The following SLC4A4 variants were observed in gnomAD, a reference collection of about 807,000 sequenced individuals.
SLC4A4 encodes electrogenic sodium bicarbonate cotransporter 1.
SLC4A4 carries 27 observed loss-of-function variants against 111.5 expected under a neutral mutation model. The observed-to-expected ratio is 0.24, with a 90% CI of 0.18 to 0.33. The LOEUF is 0.33. Ranked by LOEUF, SLC4A4 falls within the 10% of genes least tolerant of loss-of-function variation. SLC4A4 has a pLI of 1.00. For synonymous variants in SLC4A4, 443 were observed against 463.4 expected, an observed-to-expected ratio of 0.96 and a Z score of 0.57; for missense variants, 909 against 1,315.5, an observed-to-expected ratio of 0.69 and a Z score of 4.78.
chr4:71,224,610 T>C (rs1388583017), intron 1 of SLC4A4, among the ~76,000 whole-genome samples: 1 of 152,202 alleles, frequency 6.6e-6, no homozygotes, highest in Non-Finnish European at 1.5e-5. Context: ...TAAGACATAG[T>C]AAGCACTACC....
At chr4:71,266,312 T>C (rs1454825365) in intron 3 of SLC4A4, among the ~76,000 whole-genome samples, 1 of 152,210 alleles carries the variant, frequency 6.6e-6, no homozygotes, top group Non-Finnish European at 1.5e-5. Flanking sequence ...ACTGTGACAA[T>C]CATAGTTTAA....
chr4:71,558,037 A>T (rs971863110), intron 22 of SLC4A4, 152 bp downstream of exon 22: 6 of 687,178 alleles, frequency 8.7e-6, no homozygotes, highest in Non-Finnish European at 1.5e-5. Context: ...TACATTTCCC[A>T]TGTTTATGGT....
chr4:71,440,486 A>G, intron 7 of SLC4A4, 130 bp from the exon 8 acceptor site: 1 of 967,024 alleles, frequency 1.0e-6, no homozygotes, highest in Non-Finnish European at 1.7e-6. Flanking sequence ...GTTGCATGTC[A>G]ATTTGTAAAA....
At chr4:71,295,687 C>G (rs1724734529) in intron 3 of SLC4A4, among the ~76,000 whole-genome samples, 1 of 151,156 alleles carries the variant, frequency 6.6e-6, no homozygotes, top group Non-Finnish European at 1.5e-5. Context: ...TACATGGAGT[C>G]TCGCTCTGTC....
intron 2 of SLC4A4, among the ~76,000 whole-genome samples, chr4:71,151,733 A>G (rs1420082361): frequency 6.6e-6 from 1 of 150,446 alleles, no homozygotes; most frequent in Non-Finnish European, 1.5e-5. Flanking sequence ...AGCTTGGGCA[A>G]CATAGGGAGA....
chr4:71,320,539 G>A (rs1364484185), intron 3 of SLC4A4, among the ~76,000 whole-genome samples: 1 of 152,036 alleles, frequency 6.6e-6, no homozygotes, highest in African/African-American at 2.4e-5. Context: ...TCTCACGAAA[G>A]AGAGGTGGCA....
At chr4:71,396,358 T>G (rs527603438) in intron 6 of SLC4A4, among the ~76,000 whole-genome samples, 1 of 152,356 alleles carries the variant, frequency 6.6e-6, no homozygotes, top group African/African-American at 2.4e-5. Flanking sequence ...GAATGATATT[T>G]AAATAGCTGC....
intron 16 of SLC4A4, among the ~76,000 whole-genome samples, chr4:71,515,939 T>C (rs550012989): frequency 8.6e-5 from 13 of 151,990 alleles, no homozygotes; most frequent in Non-Finnish European, 1.5e-4. Context: ...ATCTTTTAAG[T>C]GTAGAATTTA....
At chr4:71,094,950 G>A (rs1271367893) in intron 2 of SLC4A4, among the ~76,000 whole-genome samples, 1 of 152,098 alleles carries the variant, frequency 6.6e-6, no homozygotes, top group Non-Finnish European at 1.5e-5. Context: ...TTAATTAGGT[G>A]TACTTTTTTA....
At chr4:71,099,965 G>C (rs1439293770) in intron 2 of SLC4A4, among the ~76,000 whole-genome samples, 2 of 151,954 alleles carry the variant, frequency 1.3e-5, no homozygotes, top group African/African-American at 4.8e-5. Flanking sequence ...TAATAAGTAG[G>C]CTACCAACCA....
In SLC4A4 at chr4:71,194,034, C is replaced by G. The variant is rs554518244; in HGVS notation, c.-2+6633C>G. Among the ~76,000 whole-genome samples the G allele has an allele frequency of 3.3e-5, 5 of 152,280 alleles. 1 individual carries two copies. Among genetic ancestry groups the G allele is most frequent in the African/African-American group, 1.2e-4 (5 of 41,568 alleles). ...ATACAGTACTCAGAAACATGCAGAA[C>G]TTGTCCTCAATGCTTTACATAAAAG... On this transcript the variant is annotated intron_variant, in intron 1 of 25. Coordinates refer to ENST00000264485, the MANE Select transcript of SLC4A4 (RefSeq NM_001098484.3).
At chr4:71,156,573 TGCGCGCGC>T (rs771841334) in intron 2 of SLC4A4, among the ~76,000 whole-genome samples, 3 of 85,640 alleles carry the variant, frequency 3.5e-5, no homozygotes, top group East Asian at 4.4e-4. Flanking sequence ...TGTGCGCGCA[TGCGCGCGC>T]GCGCGCGCAC....
At chr4:71,523,675 T>A in intron 16 of SLC4A4, among the ~76,000 whole-genome samples, 1 of 152,116 alleles carries the variant, frequency 6.6e-6, no homozygotes, top group Admixed American at 6.6e-5. Context: ...ATCCCTGCAC[T>A]AACACAAAAT....
At chr4:71,237,221 A>T (rs1719874891) in intron 2 of SLC4A4, among the ~76,000 whole-genome samples, 1 of 152,212 alleles carries the variant, frequency 6.6e-6, no homozygotes, top group Admixed American at 6.5e-5. Context: ...GTTAAAAACT[A>T]AAGAAGAGTT....
chr4:71,512,602 G>T (rs1287086016), intron 16 of SLC4A4, among the ~76,000 whole-genome samples: 1 of 152,124 alleles, frequency 6.6e-6, no homozygotes, highest in East Asian at 1.9e-4. Flanking sequence ...TCTTCATTGT[G>T]TAGATTATTT....
intron 14 of SLC4A4, among the ~76,000 whole-genome samples, chr4:71,477,926 AAAAC>A (rs377427120): frequency 3.4e-4 from 51 of 152,094 alleles, no homozygotes; most frequent in Non-Finnish European, 5.7e-4. Context: ...TTACAAGAAA[AAAAC>A]AAACAATCCC....
intron 14 of SLC4A4, among the ~76,000 whole-genome samples, chr4:71,485,214 A>T (rs1203514418): frequency 6.6e-6 from 1 of 151,238 alleles, no homozygotes; most frequent in Non-Finnish European, 1.5e-5. Context: ...CTTGTCTTGC[A>T]CAAGTTTTCA....
At chr4:71,362,013 G>A (rs1240894301) in intron 6 of SLC4A4, among the ~76,000 whole-genome samples, 3 of 151,994 alleles carry the variant, frequency 2.0e-5, no homozygotes, top group African/African-American at 7.3e-5. Flanking sequence ...TTATCCCAAA[G>A]CTTGCAAAAA....
intron 15 of SLC4A4, among the ~76,000 whole-genome samples, chr4:71,488,560 A>T (rs1202404307): frequency 6.6e-6 from 1 of 151,756 alleles, no homozygotes; most frequent in African/African-American, 2.4e-5. Flanking sequence ...AACCATCAAC[A>T]TAAACTACCA....
Sources: allele counts gnomAD v4.1 joint callset (sites outside exome capture counted in the v4.1 genomes callset), GRCh38; gene constraint gnomAD v4.1.1; transcripts MANE v1.5; gene names NCBI Gene and HGNC (gene_info 2026-07-23, HGNC 2026-07-21).